Variants in TACR2 observed in about 807,000 individuals in gnomAD.
The protein encoded by TACR2 is substance-K receptor.
In TACR2, 24 loss-of-function variants were observed where a neutral mutation model predicts 28.9. The observed-to-expected ratio is 0.83, with a 90% CI of 0.60 to 1.17. The LOEUF (loss-of-function observed/expected upper bound fraction) is 1.17. Among genes scored for constraint, TACR2 ranks in the 50% most tolerant of loss-of-function variants. The probability of loss-of-function intolerance (pLI) is 0.00; values close to 1 mark genes in which losing one functional copy is unlikely to be tolerated. For synonymous variants in TACR2, 222 were observed against 212.6 expected (o/e 1.04, Z -0.38); for missense variants, 487 against 524.4 (o/e 0.93, Z 0.70).
intron 3 of TACR2, 108 bp from the exon 4 acceptor site, chr10:69,407,388 C>A: frequency 9.3e-7 from 1 of 1,071,458 alleles, no homozygotes; most frequent in Non-Finnish European, 1.3e-6. Context: ...CTGCTCCACA[C>A]ACAGACCCCG....
In TACR2 at chr10:69,416,168, G is replaced by A; in HGVS notation, c.156C>T (p.Ala52=). 6.2e-7 allele frequency: 1 copy of A among 1,614,200 alleles called. No individual in the cohort carries two copies. ...ALVLVAVTGN[A]IVIWIILAHR... is the part of the protein sequence containing the mutation. ...GGGCCAGGATGATCCAGATGACGAT[G>A]GCATTACCCGTCACGGCCACCAGCA... The change falls in exon 1 of 5, where the codon GCC becomes GCT. Residue 52 remains alanine, a synonymous_variant. Transcript: ENST00000373306.
intron 3 of TACR2, among the ~76,000 whole-genome samples, chr10:69,407,707 T>TC (rs1840516481): frequency 6.6e-6 from 1 of 152,114 alleles, no homozygotes; most frequent in Non-Finnish European, 1.5e-5. Flanking sequence ...GGCACAGCCC[T>TC]TCTCTCTGTG....
chr10:69,416,327 T>A lies in TACR2; in HGVS notation c.-4A>T, dbSNP rs1475989930. ...TCACAATGTCACAGGTCCCCATGGC[T>A]GCTTCTGGGTCTGGAACAAAGGACC... is the stretch of plus-strand genomic sequence containing the variant. On this transcript the variant is annotated 5_prime_UTR_variant, in exon 1 of 5. Coordinates refer to ENST00000373306, the MANE Select transcript of TACR2 (RefSeq NM_001057.3). 1 of 1,577,952 alleles carries A rather than the reference T, an allele frequency of 6.3e-7. No homozygotes were observed. The highest frequency in any genetic ancestry group is 8.6e-7 in the Non-Finnish European group (1 of 1,158,376).
At position 69,406,988 on chromosome 10, in the gene TACR2, G is replaced by C. The variant is rs1840507355; in HGVS notation, c.938+96C>G. The C allele has an allele frequency of 8.4e-6, 11 of 1,308,364 alleles. No homozygotes were observed. In the South Asian group the frequency reaches 1.3e-4, roughly 15 times the overall value. The allele number at this position is 1,308,364 out of a possible 1,614,324, so 81.0% of individuals were successfully genotyped here. Reference sequence around the variant, plus strand: ...GGCACAGGGCCACAGGTTCCGGCAGGAATGAGGATGGATGCTTGAGCTGTG... The same window carrying C: ...GGCACAGGGCCACAGGTTCCGGCAGCAATGAGGATGGATGCTTGAGCTGTG... On this transcript the variant is annotated intron_variant, in intron 4 of 4. Coordinates refer to ENST00000373306, the MANE Select transcript of TACR2 (RefSeq NM_001057.3).
In TACR2 at chr10:69,407,185, G is replaced by T; in HGVS notation, c.837C>A (p.Ile279=). 6.2e-7 allele frequency: 1 copy of T among 1,614,046 alleles called. No individual in the cohort carries two copies. The highest frequency in any genetic ancestry group is 8.5e-7 in the Non-Finnish European group (1 of 1,179,972). Residue 279 remains isoleucine, a synonymous_variant, in exon 4 of 5, where the codon ATC becomes ATA. Coordinates refer to ENST00000373306, the MANE Select transcript of TACR2 (RefSeq NM_001057.3). The part of the protein sequence containing the change: ...YFILGSFQED[I]YCHKFIQQVY... ...CTTGCTGGATGAACTTGTGGCAGTA[G>T]ATGTCCTCCTGGAAGCTGCCCAGGA...
chr10:69,405,672 T>C (rs1420508136), intron 4 of TACR2, among the ~76,000 whole-genome samples: 2 of 152,206 alleles, frequency 1.3e-5, no homozygotes, highest in African/African-American at 4.8e-5. Context: ...AAGGGAACGC[T>C]GGCTGCTCAG....
Position 69,415,926 on chromosome 10 carries a change from T to A in TACR2, c.392+6A>T. Reference sequence around the variant, plus strand: ...CTCCCCCCAGCTTCCCCAAGGACCCTCTTGCCTGTCGGCAGCAATGGCGGT... The same window carrying A: ...CTCCCCCCAGCTTCCCCAAGGACCCACTTGCCTGTCGGCAGCAATGGCGGT... On this transcript the variant is annotated splice_donor_region_variant and intron_variant, in intron 1 of 4. Coordinates refer to ENST00000373306, the MANE Select transcript of TACR2 (RefSeq NM_001057.3). The A allele has an allele frequency of 6.2e-7, 1 of 1,611,652 alleles. No individual in the cohort carries two copies. Among genetic ancestry groups the A allele is most frequent in the East Asian group, 2.2e-5 (1 of 44,826 alleles).
At chr10:69,415,256 G>T (rs995926443) in intron 1 of TACR2, 117 bp from the exon 2 acceptor site, 2 of 1,131,494 alleles carry the variant, frequency 1.8e-6, no homozygotes, top group Non-Finnish European at 2.5e-6. Flanking sequence ...CCGCACTGCT[G>T]CCATCTGCTG....
intron 2 of TACR2, among the ~76,000 whole-genome samples, chr10:69,412,095 C>T (rs906693546): frequency 4.6e-5 from 7 of 152,198 alleles, no homozygotes; most frequent in African/African-American, 1.7e-4. Flanking sequence ...GCTGGGATTA[C>T]AGGCGTGAGC....
intron 4 of TACR2, 114 bp downstream of exon 4, chr10:69,406,970 G>A: frequency 3.6e-6 from 4 of 1,110,876 alleles, no homozygotes; most frequent in Non-Finnish European, 5.3e-6. Flanking sequence ...GGGGGCACAG[G>A]GCCACAGGTT....
chr10:69,408,622 G>T (rs1191716499), intron 3 of TACR2, among the ~76,000 whole-genome samples: 2 of 152,164 alleles, frequency 1.3e-5, no homozygotes, highest in African/African-American at 4.8e-5. Context: ...CTTTAATTTT[G>T]TATTTGGCCA....
At chr10:69,405,788 C>T (rs1840496739) in intron 4 of TACR2, among the ~76,000 whole-genome samples, 1 of 152,184 alleles carries the variant, frequency 6.6e-6, no homozygotes, top group Non-Finnish European at 1.5e-5. Context: ...GTGATCAACC[C>T]ACAGACACAG....
chr10:69,414,946 G>A lies in TACR2; in HGVS notation c.586C>T (p.Leu196=), dbSNP rs1462699852. The change falls in exon 2 of 5, where the codon CTG becomes TTG. Residue 196 remains leucine (L), a splice_region_variant and synonymous_variant. Coordinates refer to ENST00000373306, the MANE Select transcript of TACR2 (RefSeq NM_001057.3). The part of the protein sequence containing the change: ...PEDSGGKTLL[L]YHLVVIALIY... ...TCCACAATCCCCCAGAGGCCTTACA[G>A]GAGGAGCGTCTTGCCCCCGCTGTCT... 22 of 1,608,722 alleles carry A rather than the reference G, an allele frequency of 1.4e-5. No homozygotes were observed. Among genetic ancestry groups the A allele is most frequent in the Non-Finnish European group, 1.8e-5 (21 of 1,176,404 alleles).
At chr10:69,414,551 T>C (rs1187912056) in intron 2 of TACR2, among the ~76,000 whole-genome samples, 1 of 152,168 alleles carries the variant, frequency 6.6e-6, no homozygotes, top group African/African-American at 2.4e-5. Flanking sequence ...CTGGGCAGGA[T>C]TGCTTAGATT....
At chr10:69,415,606 A>G (rs1041590223) in intron 1 of TACR2, among the ~76,000 whole-genome samples, 2 of 152,244 alleles carry the variant, frequency 1.3e-5, no homozygotes, top group East Asian at 3.8e-4. Context: ...TTGGAGTGAA[A>G]TAAAGACAAC....
chr10:69,415,828 G>A (rs1284366343), intron 1 of TACR2, 104 bp downstream of exon 1: 2 of 1,379,998 alleles, frequency 1.4e-6, no homozygotes, highest in African/African-American at 1.4e-5. Flanking sequence ...CCATTCCCAT[G>A]GTTCTACCCA....
chr10:69,405,018 C>T lies in TACR2; in HGVS notation c.1005G>A (p.Lys335=). Reference sequence around the variant, plus strand: ...GGGAGGTCGTGGGAGTCAGCTCGAGCTTATCTTCCTTGGTGGGTGTGACCC... The same window carrying T: ...GGGAGGTCGTGGGAGTCAGCTCGAGTTTATCTTCCTTGGTGGGTGTGACCC... ...CPWVTPTKED[K]LELTPTTSLS... is the part of the protein sequence containing the mutation. Residue 335 remains lysine (K), a synonymous_variant, in exon 5 of 5, where the codon AAG becomes AAA. Transcript: ENST00000373306. The T allele has an allele frequency of 6.2e-7, 1 of 1,614,176 alleles. No homozygotes were observed. The highest frequency in any genetic ancestry group is 8.5e-7 in the Non-Finnish European group (1 of 1,180,026).
chr10:69,409,036 C>G lies in TACR2; in HGVS notation c.627G>C (p.Pro209=). Reference sequence around the variant, plus strand: ...TGTAGGCTACAAACATCACCGCGAGCGGCAGGAAGTAGATGAGGGCGATCA... The same window carrying G: ...TGTAGGCTACAAACATCACCGCGAGGGGCAGGAAGTAGATGAGGGCGATCA... ...LVVIALIYFL[P]LAVMFVAYSV... Residue 209 remains proline, a synonymous_variant, in exon 3 of 5, where the codon CCG becomes CCC. Transcript: ENST00000373306. 6.2e-7 allele frequency: 1 copy of G among 1,606,846 alleles called. No individual in the cohort carries two copies. The highest frequency in any genetic ancestry group is 8.5e-7 in the Non-Finnish European group (1 of 1,178,120).
chr10:69,413,549 G>A (rs1297845114), intron 2 of TACR2, among the ~76,000 whole-genome samples: 4 of 152,246 alleles, frequency 2.6e-5, no homozygotes, highest in African/African-American at 9.6e-5. Context: ...GGTGCAGGGA[G>A]GGGGCAGAGA....
Sources: allele counts gnomAD v4.1 joint callset (sites outside exome capture counted in the v4.1 genomes callset), GRCh38; gene constraint gnomAD v4.1.1; transcripts MANE v1.5; gene names NCBI Gene and HGNC (gene_info 2026-07-23, HGNC 2026-07-21).